Variants in CDH13 observed in about 807,000 individuals in gnomAD.
The protein encoded by CDH13 is cadherin 13.
A neutral mutation model predicts 63.8 loss-of-function variants in CDH13; 24 were observed. That is an observed-to-expected ratio of 0.38 (90% CI 0.27 to 0.53). The LOEUF is 0.53. Ranked by LOEUF, CDH13 falls within the 20% of genes least tolerant of loss-of-function variation. The pLI, the probability that CDH13 is intolerant of heterozygous loss-of-function variation, is 0.85. For synonymous variants in CDH13, 503 were observed against 355.3 expected (o/e 1.42, Z -4.67); for missense variants, 1,049 against 903.1 (o/e 1.16, Z -2.07).
chr16:82,767,648 C>T (rs1344465030), intron 1 of CDH13, among the ~76,000 whole-genome samples: 1 of 152,218 alleles, frequency 6.6e-6, no homozygotes, highest in Non-Finnish European at 1.5e-5. Context: ...TCCCTGGACT[C>T]TGGCTGTTCA....
chr16:83,337,128 G>A (rs549958841), intron 5 of CDH13, among the ~76,000 whole-genome samples: 16 of 152,274 alleles, frequency 1.1e-4, no homozygotes, highest in South Asian at 2.1e-4. Context: ...AGCATTTTAC[G>A]TACAGCCAAT....
At chr16:83,305,436 T>TA (rs1455365248) in intron 5 of CDH13, among the ~76,000 whole-genome samples, 1 of 152,248 alleles carries the variant, frequency 6.6e-6, no homozygotes, top group Non-Finnish European at 1.5e-5. Flanking sequence ...TCTACCCGTG[T>TA]AGCCAGTATG....
intron 6 of CDH13, among the ~76,000 whole-genome samples, chr16:83,387,574 G>T (rs946979374): frequency 6.6e-6 from 1 of 152,124 alleles, no homozygotes; most frequent in Non-Finnish European, 1.5e-5. Context: ...AGAAATCAAA[G>T]AGCTGAAAAA....
At chr16:83,172,599 C>A (rs564567980) in intron 4 of CDH13, among the ~76,000 whole-genome samples, 1 of 151,970 alleles carries the variant, frequency 6.6e-6, no homozygotes, top group East Asian at 1.9e-4. Context: ...CAAGAAAAAT[C>A]CATGAGAAGC....
intron 1 of CDH13, among the ~76,000 whole-genome samples, chr16:82,757,601 A>C (rs2151078331): frequency 6.6e-6 from 1 of 151,940 alleles, no homozygotes; most frequent in African/African-American, 2.4e-5. Flanking sequence ...TGACTACCGC[A>C]GCTTGCAAAT....
intron 3 of CDH13, among the ~76,000 whole-genome samples, chr16:83,085,505 C>G (rs2033535459): frequency 6.6e-6 from 1 of 152,100 alleles, no homozygotes; most frequent in African/African-American, 2.4e-5. Flanking sequence ...AGCCAGCCAG[C>G]CATGCTTGTC....
chr16:82,975,646 T>G (rs1909394779), intron 2 of CDH13, among the ~76,000 whole-genome samples: 1 of 152,204 alleles, frequency 6.6e-6, no homozygotes, highest in Non-Finnish European at 1.5e-5. Flanking sequence ...ATAATTACAG[T>G]TTCTTACATT....
rs529847967 is a variant in CDH13 at position 82,906,807 on chromosome 16, C to G, written c.157+48334C>G. 3.3e-5 allele frequency among the ~76,000 whole-genome samples: 5 copies of G among 152,274 alleles called. No homozygotes were observed. The East Asian group carries it at 9.7e-4, about 29-fold the overall frequency. On this transcript the variant is annotated intron_variant, in intron 2 of 13. Coordinates refer to ENST00000567109, the MANE Select transcript of CDH13 (RefSeq NM_001257.5). ...GTGGCTCCTGGCAGTCCTTGGCATT[C>G]CCTGCAGGTGCATCTTGCCAACCTC...
intron 4 of CDH13, among the ~76,000 whole-genome samples, chr16:83,143,217 G>C (rs1363422502): frequency 1.3e-5 from 2 of 152,114 alleles, no homozygotes; most frequent in Non-Finnish European, 2.9e-5. Context: ...TTTTTCTTTG[G>C]ATATATTTTA....
intron 3 of CDH13, among the ~76,000 whole-genome samples, chr16:83,080,133 G>A (rs1482438941): frequency 6.6e-6 from 1 of 152,240 alleles, no homozygotes; most frequent in South Asian, 2.1e-4. Flanking sequence ...TTTGCAGAAG[G>A]GAGTAACAAG....
intron 1 of CDH13, among the ~76,000 whole-genome samples, chr16:82,673,909 A>G (rs1353392142): frequency 6.6e-6 from 1 of 152,222 alleles, no homozygotes; most frequent in African/African-American, 2.4e-5. Context: ...AGGTCCGGCA[A>G]TGTGTGCTTT....
intron 7 of CDH13, among the ~76,000 whole-genome samples, chr16:83,510,339 C>G (rs1394644902): frequency 6.6e-6 from 1 of 152,062 alleles, no homozygotes; most frequent in Non-Finnish European, 1.5e-5. Flanking sequence ...TTTGAGAAAA[C>G]TGATAAACAC....
chr16:83,667,271 A>G (rs879380904), intron 8 of CDH13, among the ~76,000 whole-genome samples: 1 of 152,210 alleles, frequency 6.6e-6, no homozygotes, highest in Non-Finnish European at 1.5e-5. Context: ...CACACTAAAA[A>G]GGTATTCTAT....
chr16:83,649,745 C>G (rs777489294), intron 8 of CDH13, among the ~76,000 whole-genome samples: 22 of 152,050 alleles, frequency 1.4e-4, no homozygotes, highest in Non-Finnish European at 2.9e-4. Context: ...CCTGCCTTCT[C>G]GCACTCTTCC....
chr16:83,621,369 C>T (rs771679945), intron 8 of CDH13, among the ~76,000 whole-genome samples: 15 of 151,510 alleles, frequency 9.9e-5, no homozygotes, highest in Non-Finnish European at 1.5e-4. Context: ...CACTTGTGCA[C>T]CAAGGGTTTG....
chr16:82,844,433 C>G (rs2039164438), intron 1 of CDH13: 1 of 151,660 alleles, frequency 6.6e-6, no homozygotes, highest in Non-Finnish European at 1.5e-5. Flanking sequence ...AACCGCCTCT[C>G]TACTAAAAAT....
At chr16:83,087,573 C>T (rs749046912) in intron 3 of CDH13, among the ~76,000 whole-genome samples, 2 of 147,238 alleles carry the variant, frequency 1.4e-5, no homozygotes, top group African/African-American at 5.0e-5. Flanking sequence ...GAGGCTGATG[C>T]AGCAGACTCA....
intron 1 of CDH13, chr16:82,826,504 C>G (rs1484882362): frequency 6.6e-6 from 1 of 151,994 alleles, no homozygotes; most frequent in African/African-American, 2.4e-5. Flanking sequence ...GATCAGAATC[C>G]TAATCATTAT....
chr16:83,559,113 A>G lies in CDH13; in HGVS notation c.961-43341A>G, dbSNP rs79181762. Among the ~76,000 whole-genome samples, 1,248 of 152,288 alleles carry G rather than the reference A, an allele frequency of 8.2e-3. 12 individuals carry two copies. The highest frequency in any genetic ancestry group is 0.028 in the African/African-American group (1,173 of 41,542). ...ATCATGTTAAGATCCACTGCCAGGAACTAGGAGGGCAGAGTGAAGACAGAG... is the reference window on the plus strand; with the variant it reads ...ATCATGTTAAGATCCACTGCCAGGAGCTAGGAGGGCAGAGTGAAGACAGAG... On this transcript the variant is annotated intron_variant, in intron 7 of 13. Coordinates refer to ENST00000567109, the MANE Select transcript of CDH13 (RefSeq NM_001257.5).
Sources: gnomAD v4.1 joint callset for allele counts (sites outside exome capture counted in the v4.1 genomes callset) on GRCh38, gnomAD v4.1.1 for gene constraint, MANE v1.5 for transcripts, NCBI Gene and HGNC (gene_info 2026-07-23, HGNC 2026-07-21) for gene names.